HS6ST2: variants seen among roughly 807,000 people sequenced by gnomAD.
HS6ST2 encodes heparan sulfate 6-O-sulfotransferase 2, also known as heparan-sulfate 6-O-sulfotransferase 2.
A neutral mutation model predicts 33.0 loss-of-function variants in HS6ST2; 17 were observed. The ratio of observed to expected loss-of-function variants is 0.52; its 90% CI spans 0.35 to 0.77. The LOEUF is 0.77. Ranked by LOEUF, HS6ST2 falls within the 30% of genes least tolerant of loss-of-function variation. HS6ST2 has a pLI of 0.01. For synonymous variants in HS6ST2, 248 were observed against 237.1 expected, an observed-to-expected ratio of 1.05 and a Z score of -0.42; for missense variants, 519 against 551.7, an observed-to-expected ratio of 0.94 and a Z score of 0.59.
At chrX:132,650,352 G>T (rs926260741) in intron 4 of HS6ST2, among the ~76,000 whole-genome samples, 4 of 111,164 alleles carry the variant, frequency 3.6e-5, no homozygotes, top group African/African-American at 9.8e-5. Context: ...TGCGGCTCAG[G>T]AAGTTTGGTT....
At chrX:132,733,117 C>A (rs2064475317) in intron 2 of HS6ST2, among the ~76,000 whole-genome samples, 1 of 111,780 alleles carries the variant, frequency 8.9e-6, no homozygotes, top group Admixed American at 9.5e-5. Flanking sequence ...TTGTCCTCTA[C>A]TCTCAGAAAG....
intron 2 of HS6ST2, among the ~76,000 whole-genome samples, chrX:132,772,589 T>C (rs2148322442): frequency 9.7e-6 from 1 of 103,093 alleles, no homozygotes; most frequent in African/African-American, 3.5e-5. Context: ...TTGTATTCTA[T>C]ATAATGATAT....
chrX:132,762,815 T>A (rs760724579), intron 2 of HS6ST2, among the ~76,000 whole-genome samples: 4 of 111,463 alleles, frequency 3.6e-5, no homozygotes, highest in Non-Finnish European at 7.5e-5. Context: ...CTATTCTTAA[T>A]GTTTTTGGAA....
chrX:132,637,891 T>G (rs866055833), intron 4 of HS6ST2, among the ~76,000 whole-genome samples: 2 of 54,578 alleles, frequency 3.7e-5, no homozygotes, highest in African/African-American at 2.6e-4. Context: ...TATATAATAT[T>G]TTATATATAA....
At chrX:132,652,946 T>G (rs1446256443) in intron 4 of HS6ST2, among the ~76,000 whole-genome samples, 1 of 111,857 alleles carries the variant, frequency 8.9e-6, no homozygotes, top group Non-Finnish European at 1.9e-5. Flanking sequence ...CTTAGATTTT[T>G]TTTTTAACTA....
At chrX:132,958,029 C>A in intron 1 of HS6ST2, 146 bp downstream of exon 1, 1 of 539,195 alleles carries the variant, frequency 1.9e-6, no homozygotes. Context: ...ATGCGCGCCG[C>A]ACCCCTCCGG....
intron 2 of HS6ST2, among the ~76,000 whole-genome samples, chrX:132,736,362 A>G (rs2064510775): frequency 8.9e-6 from 1 of 112,186 alleles, no homozygotes; most frequent in African/African-American, 3.2e-5. Flanking sequence ...CATCAAAGGA[A>G]TGAAAACACA....
chrX:132,785,160 T>A (rs2065050659), intron 2 of HS6ST2, among the ~76,000 whole-genome samples: 1 of 112,331 alleles, frequency 8.9e-6, no homozygotes, highest in South Asian at 3.7e-4. Context: ...GTTACACTTT[T>A]CAATTTAAAA....
At chrX:132,920,124 G>A (rs2066636939) in intron 2 of HS6ST2, among the ~76,000 whole-genome samples, 1 of 111,461 alleles carries the variant, frequency 9.0e-6, no homozygotes, top group Non-Finnish European at 1.9e-5. Context: ...AAGTGACATG[G>A]AAGTAAAAAT....
intron 2 of HS6ST2, among the ~76,000 whole-genome samples, chrX:132,827,061 A>T (rs1386916390): frequency 8.9e-6 from 1 of 111,795 alleles, no homozygotes; most frequent in Non-Finnish European, 1.9e-5. Context: ...AAACTCAGTG[A>T]CCAATGTTGG....
At chrX:132,926,032 G>A (rs1316217505) in intron 2 of HS6ST2, among the ~76,000 whole-genome samples, 1 of 111,846 alleles carries the variant, frequency 8.9e-6, no homozygotes, top group Non-Finnish European at 1.9e-5. Flanking sequence ...ATCCTAGAAA[G>A]CTTAAATAGC....
chrX:132,649,856 T>TAA (rs754644654), intron 4 of HS6ST2, among the ~76,000 whole-genome samples: 72 of 87,532 alleles, frequency 8.2e-4, no homozygotes, highest in Non-Finnish European at 1.4e-3. Context: ...AGACTCTATC[T>TAA]AAAAAAAAAA....
At chrX:132,921,189 A>G (rs2066647890) in intron 2 of HS6ST2, among the ~76,000 whole-genome samples, 1 of 112,338 alleles carries the variant, frequency 8.9e-6, no homozygotes, top group Non-Finnish European at 1.9e-5. Context: ...TTTGGAGATA[A>G]GGTAGAGACC....
chrX:132,850,023 G>T (rs1338209282), intron 2 of HS6ST2, among the ~76,000 whole-genome samples: 1 of 112,049 alleles, frequency 8.9e-6, no homozygotes, highest in Admixed American at 9.5e-5. Flanking sequence ...CTTAGCAGAA[G>T]GCTATTTCTC....
chrX:132,751,371 T>C (rs1193178232), intron 2 of HS6ST2, among the ~76,000 whole-genome samples: 1 of 111,717 alleles, frequency 9.0e-6, no homozygotes, highest in Non-Finnish European at 1.9e-5. Context: ...CCTCTGGAGT[T>C]ATGATTGTCA....
chrX:132,691,866 G>A (rs1466332967), intron 3 of HS6ST2, among the ~76,000 whole-genome samples: 1 of 111,702 alleles, frequency 9.0e-6, no homozygotes, highest in Non-Finnish European at 1.9e-5. Flanking sequence ...GTCTTAGTCT[G>A]ACAAGGTACA....
intron 3 of HS6ST2, among the ~76,000 whole-genome samples, chrX:132,675,819 C>CTT (rs78984468): frequency 9.6e-6 from 1 of 104,493 alleles, no homozygotes; most frequent in Non-Finnish European, 2.0e-5. Flanking sequence ...CTAAAATCTC[C>CTT]TTTTTTTTTT....
At position 132,626,771 on chromosome X, in the gene HS6ST2, G is replaced by A. The variant is rs1224473006; in HGVS notation, c.*1452C>T. 33 of 111,833 alleles carry A rather than the reference G, an allele frequency of 3.0e-4. No homozygotes were observed. The highest frequency in any genetic ancestry group is 2.9e-3 in the Admixed American group (31 of 10,545). 9.2% of individuals were successfully genotyped at this position (111,833 alleles called of 1,213,427 possible). On this transcript the variant is annotated 3_prime_UTR_variant, in exon 5 of 5. Coordinates refer to ENST00000370833, the MANE Select transcript of HS6ST2 (RefSeq NM_001394073.1). Reference sequence around the variant, plus strand: ...ATCCACAGTAAAATGAAAACTGCCCGGAATCATGATGCTTGACAGCACAGT... The same window carrying A: ...ATCCACAGTAAAATGAAAACTGCCCAGAATCATGATGCTTGACAGCACAGT...
chrX:132,667,109 C>G (rs2063815610), intron 4 of HS6ST2, among the ~76,000 whole-genome samples: 1 of 111,517 alleles, frequency 9.0e-6, no homozygotes, highest in South Asian at 3.8e-4. Context: ...AAGGTCAGTA[C>G]TGCTCCTGTT....
Sources: gnomAD v4.1 joint callset for allele counts (sites outside exome capture counted in the v4.1 genomes callset) on GRCh38, gnomAD v4.1.1 for gene constraint, MANE v1.5 for transcripts, NCBI Gene and HGNC (gene_info 2026-07-23, HGNC 2026-07-21) for gene names.